Variants in CHID1 observed in about 807,000 individuals in gnomAD.
CHID1 encodes the protein chitinase domain-containing protein 1.
Under a neutral mutation model 55.4 loss-of-function variants are expected in CHID1, and 44 were observed. The ratio of observed to expected loss-of-function variants is 0.79; its 90% CI spans 0.62 to 1.02. CHID1 has a LOEUF of 1.02. Among genes scored for constraint, CHID1 ranks in the 50% least tolerant of loss-of-function variants. CHID1 has a pLI of 0.00. For synonymous variants in CHID1, 216 were observed against 212.9 expected (o/e 1.01, Z -0.13); for missense variants, 491 against 515.3 (o/e 0.95, Z 0.46).
At position 869,758 on chromosome 11, in the gene CHID1, C is replaced by T; in HGVS notation, c.*100G>A. 4.7e-6 allele frequency: 5 copies of T among 1,059,732 alleles called. No homozygotes were observed. Among genetic ancestry groups the T allele is most frequent in the Non-Finnish European group, 7.3e-6 (5 of 688,184 alleles). The allele number at this position is 1,059,732 out of a possible 1,614,324, so 65.6% of individuals were successfully genotyped here. A position where few individuals can be genotyped will look rare whatever the true frequency, so the allele number is the denominator to read the frequency against. On this transcript the variant is annotated 3_prime_UTR_variant, in exon 13 of 13. Coordinates refer to ENST00000323578, the MANE Select transcript of CHID1 (RefSeq NM_023947.4). ...ACCCCCGACTGAGGACTGCAGCAGA[C>T]CCGTCACAGCAAACGGAGTGGAGGC...
chr11:896,034 C>T (rs1377738398), intron 7 of CHID1, among the ~76,000 whole-genome samples: 2 of 152,134 alleles, frequency 1.3e-5, no homozygotes, highest in East Asian at 1.9e-4. Context: ...CCCACCCTGA[C>T]GTTAATGACC....
upstream of CHID1, among the ~76,000 whole-genome samples, chr11:912,129 C>T (rs933518328): frequency 1.3e-5 from 2 of 152,134 alleles, no homozygotes; most frequent in Non-Finnish European, 2.9e-5. Flanking sequence ...CGACACCAGC[C>T]TGGCCAACAT....
intron 1 of CHID1, among the ~76,000 whole-genome samples, chr11:906,692 G>A (rs997908044): frequency 2.6e-5 from 4 of 152,144 alleles, no homozygotes; most frequent in Admixed American, 6.6e-5. Flanking sequence ...AGGGGTGGTA[G>A]AAAGCAAACG....
At chr11:893,326 T>G in intron 8 of CHID1, 101 bp downstream of exon 8, 1 of 909,788 alleles carries the variant, frequency 1.1e-6, no homozygotes, top group South Asian at 1.6e-5. Flanking sequence ...GTTTGGGTGC[T>G]GAGCAGGAGG....
chr11:891,571 C>T (rs35436623), intron 8 of CHID1, among the ~76,000 whole-genome samples: 34,080 of 152,158 alleles, frequency 0.22, 4,493 homozygotes, highest in South Asian at 0.49. Context: ...TGGTCCCCAC[C>T]GATGGCTGCT....
chr11:901,428 A>G (rs1399363180), intron 4 of CHID1, among the ~76,000 whole-genome samples: 1 of 152,034 alleles, frequency 6.6e-6, no homozygotes, highest in Non-Finnish European at 1.5e-5. Context: ...GAACTCCAAA[A>G]CTGCCTAACA....
rs564725829 is a variant in CHID1, at chr11:899,580, C to T, written c.547-179G>A. Among the ~76,000 whole-genome samples, 14 of 152,342 alleles carry T rather than the reference C, an allele frequency of 9.2e-5. No individual in the cohort carries two copies. In the South Asian group the frequency reaches 2.5e-3, roughly 27 times the overall value. ...TGTCTGAAGGAGGAAGTGTGGGGGT[C>T]CCAGAGGAACAGGAGTGGAGGGGCC... On this transcript the variant is annotated intron_variant, in intron 6 of 12. Coordinates refer to ENST00000323578, the MANE Select transcript of CHID1 (RefSeq NM_023947.4).
chr11:884,083 T>G lies in CHID1; in HGVS notation c.788A>C (p.Tyr263Ser). The change falls in exon 9 of 13, where the codon TAC becomes TCC. Residue 263 changes from tyrosine to serine, a missense_variant. By Grantham distance (144) the Tyr-to-Ser change is moderately radical. Coordinates refer to ENST00000323578, the MANE Select transcript of CHID1 (RefSeq NM_023947.4). ...LDGFSLMTYD[Y>S]STAHQPGPNA... is the part of the protein sequence containing the mutation. ...CCACACTCACTGATGCGCTGTAGAGTAGTCGTAGGTCATGAGGCTGAAACC... is the reference window on the plus strand; with the variant it reads ...CCACACTCACTGATGCGCTGTAGAGGAGTCGTAGGTCATGAGGCTGAAACC... 6.2e-7 allele frequency: 1 copy of G among 1,613,540 alleles called. No individual in the cohort carries two copies. The highest frequency in any genetic ancestry group is 8.5e-7 in the Non-Finnish European group (1 of 1,179,694).
chr11:880,888 T>C (rs1407531187), intron 10 of CHID1, among the ~76,000 whole-genome samples: 2 of 152,216 alleles, frequency 1.3e-5, no homozygotes, highest in East Asian at 1.9e-4. Flanking sequence ...ATTAAGATGA[T>C]TTATAAAAAT....
In CHID1 at chr11:869,918, G is replaced by C. The variant is rs187154087; in HGVS notation, c.1122C>G (p.Gly374=). ...CCAGCTCCCAGATAGAGACCCCAAC[G>C]CCCAGCTCCCGGGCCAGCTCCAGCC... ...QVRLELAREL[G]VGVSIWELGQ... Residue 374 remains glycine, a synonymous_variant, in exon 13 of 13, where the codon GGC becomes GGG. Coordinates refer to ENST00000323578, the MANE Select transcript of CHID1 (RefSeq NM_023947.4). The C allele has an allele frequency of 1.7e-4, 268 of 1,612,796 alleles. 3 individuals carry two copies. The East Asian group carries it at 5.9e-3, about 35-fold the overall frequency.
intron 10 of CHID1, among the ~76,000 whole-genome samples, chr11:882,123 G>A (rs1157395234): frequency 1.3e-5 from 2 of 152,094 alleles, no homozygotes; most frequent in South Asian, 2.1e-4. Context: ...TCAGGAGATC[G>A]AGACCATCCT....
intron 11 of CHID1, 105 bp downstream of exon 11, chr11:870,314 T>G: frequency 1.5e-6 from 2 of 1,349,274 alleles, no homozygotes; most frequent in Non-Finnish European, 2.1e-6. Flanking sequence ...GCAAGTGAGC[T>G]CGTGACCCTG....
At chr11:879,588 G>A (rs530286554) in intron 10 of CHID1, among the ~76,000 whole-genome samples, 11 of 152,374 alleles carry the variant, frequency 7.2e-5, no homozygotes, top group East Asian at 5.8e-4. Flanking sequence ...CCACCTTGAC[G>A]GCACCTTCAT....
intron 8 of CHID1, among the ~76,000 whole-genome samples, chr11:885,786 G>A (rs556114187): frequency 6.6e-6 from 1 of 152,274 alleles, no homozygotes; most frequent in Admixed American, 6.5e-5. Context: ...GAGTGCAGCG[G>A]CACGATCCTA....
chr11:880,711 T>C (rs1849853044), intron 10 of CHID1, among the ~76,000 whole-genome samples: 1 of 151,960 alleles, frequency 6.6e-6, no homozygotes, highest in African/African-American at 2.4e-5. Flanking sequence ...TCGGCTCACC[T>C]GCCTGGGCTG....
chr11:914,319 AGT>A (rs1691384670), upstream of CHID1: 1 of 261,104 alleles, frequency 3.8e-6, no homozygotes, highest in South Asian at 3.3e-5. Flanking sequence ...GTGGGTGTGG[AGT>A]GCCCTGGCGG....
In CHID1 at chr11:893,499, G is replaced by C; in HGVS notation, c.629C>G (p.Thr210Ser). The change falls in exon 8 of 13, where the codon ACC becomes AGC. Residue 210 changes from threonine (T) to serine (S), a missense_variant. Coordinates refer to ENST00000323578, the MANE Select transcript of CHID1 (RefSeq NM_023947.4). ...QKRVGLIHMLTHLAEALHQAR... is the reference protein window; with the variant it reads ...QKRVGLIHMLSHLAEALHQAR... ...CTGGTGCAGAGCCTCGGCCAAGTGG[G>C]TGAGCATGTGGATGAGGCCCCTGCA... The C allele has an allele frequency of 6.4e-7, 1 of 1,551,006 alleles. No homozygotes were observed. The highest frequency in any genetic ancestry group is 1.2e-5 in the South Asian group (1 of 84,032).
chr11:907,987 T>C (rs1344657619), intron 1 of CHID1, among the ~76,000 whole-genome samples: 2 of 152,210 alleles, frequency 1.3e-5, no homozygotes, highest in Non-Finnish European at 2.9e-5. Flanking sequence ...CTTTGCCCTG[T>C]CTCTTCCCTG....
chr11:879,083 T>G (rs1849712846), intron 10 of CHID1, among the ~76,000 whole-genome samples: 1 of 152,226 alleles, frequency 6.6e-6, no homozygotes, highest in Non-Finnish European at 1.5e-5. Flanking sequence ...CCTGACCTTG[T>G]GATCCGCCCA....
Sources: allele counts gnomAD v4.1 joint callset (sites outside exome capture counted in the v4.1 genomes callset), GRCh38; gene constraint gnomAD v4.1.1; transcripts MANE v1.5; gene names NCBI Gene and HGNC (gene_info 2026-07-23, HGNC 2026-07-21).